GALNT17: variants seen among roughly 807,000 people sequenced by gnomAD.
The protein encoded by GALNT17 is polypeptide N-acetylgalactosaminyltransferase 17, also known as UDP-GalNAc:polypeptide N-acetylgalactosaminyltransferase-like 3.
Under a neutral mutation model 63.7 loss-of-function variants are expected in GALNT17, and 29 were observed. The observed-to-expected ratio is 0.46, with a 90% CI of 0.34 to 0.62. The LOEUF is 0.62. Among genes scored for constraint, GALNT17 ranks in the 20% least tolerant of loss-of-function variants. GALNT17 has a pLI of 0.01. For synonymous variants in GALNT17, 305 were observed against 318.3 expected (o/e 0.96, Z 0.45); for missense variants, 603 against 799.6 (o/e 0.75, Z 2.97).
intron 1 of GALNT17, among the ~76,000 whole-genome samples, chr7:71,311,250 G>A (rs1791409656): frequency 6.6e-6 from 1 of 152,158 alleles, no homozygotes; most frequent in Non-Finnish European, 1.5e-5. Context: ...TGGGCCTGAT[G>A]AGGATGCATG....
chr7:71,451,082 C>T (rs1421949865), intron 5 of GALNT17, among the ~76,000 whole-genome samples: 1 of 152,072 alleles, frequency 6.6e-6, no homozygotes, highest in East Asian at 1.9e-4. Context: ...CCTCCCCACT[C>T]CCTCCACCCC....
At chr7:71,517,659 G>A (rs1788466253) in intron 5 of GALNT17, among the ~76,000 whole-genome samples, 2 of 152,162 alleles carry the variant, frequency 1.3e-5, no homozygotes, top group African/African-American at 4.8e-5. Context: ...ATAGGATAAT[G>A]GAGTTCAAGC....
At chr7:71,621,537 T>TGGATGGATAGATG (rs1554316541) in intron 6 of GALNT17, among the ~76,000 whole-genome samples, 31 of 138,934 alleles carry the variant, frequency 2.2e-4, no homozygotes, top group Middle Eastern at 3.2e-3. Context: ...ATGGATGGAT[T>TGGATGGATAGATG]GATGGATTGA....
chr7:71,665,387 CTG>C (rs773969696), intron 6 of GALNT17, 22 bp from the exon 7 acceptor site: 9 of 1,577,932 alleles, frequency 5.7e-6, no homozygotes, highest in Non-Finnish European at 7.7e-6. Flanking sequence ...CTTTTTCAGG[CTG>C]ATGAAATCTT....
chr7:71,410,982 C>A (rs1039890757), intron 3 of GALNT17, among the ~76,000 whole-genome samples: 3 of 152,084 alleles, frequency 2.0e-5, no homozygotes, highest in African/African-American at 7.2e-5. Flanking sequence ...TTTATTTTTG[C>A]AGAAATGAGT....
intron 1 of GALNT17, among the ~76,000 whole-genome samples, chr7:71,316,162 G>A (rs1791494175): frequency 6.6e-6 from 1 of 151,954 alleles, no homozygotes; most frequent in Non-Finnish European, 1.5e-5. Flanking sequence ...AAGGGAGGAA[G>A]GCAGGAGCCT....
intron 1 of GALNT17, among the ~76,000 whole-genome samples, chr7:71,309,465 T>G (rs28664864): frequency 6.6e-6 from 1 of 151,928 alleles, no homozygotes; most frequent in Non-Finnish European, 1.5e-5. Context: ...AAGCCATGCA[T>G]GCTCCCTGCC....
intron 1 of GALNT17, among the ~76,000 whole-genome samples, chr7:71,222,806 C>T (rs1359194180): frequency 6.6e-6 from 1 of 152,086 alleles, no homozygotes; most frequent in Non-Finnish European, 1.5e-5. Flanking sequence ...TGCAGTGGCT[C>T]GCACCTGTAA....
chr7:71,385,163 C>T (rs1008450196), intron 2 of GALNT17, among the ~76,000 whole-genome samples: 1 of 152,206 alleles, frequency 6.6e-6, no homozygotes, highest in Non-Finnish European at 1.5e-5. Context: ...GCCTGCAGAT[C>T]AGCCACACAG....
At position 71,132,148 on chromosome 7, in the gene GALNT17, CTT is replaced by C. The variant is rs1041658605; in HGVS notation, c.-654_-653del. Reference sequence around the variant, plus strand: ...GCCCCCACTTTGAGAGTAATTGAGACTTGAGCGTGACTGCGGAGCCTGGAGGA... The same window carrying C: ...GCCCCCACTTTGAGAGTAATTGAGACGAGCGTGACTGCGGAGCCTGGAGGA... On this transcript the variant is annotated 5_prime_UTR_variant, in exon 1 of 11. Transcript: ENST00000333538. 2.0e-4 allele frequency: 30 copies of C among 152,682 alleles called. No individual in the cohort carries two copies. The highest frequency in any genetic ancestry group is 7.0e-4 in the African/African-American group (29 of 41,452). 9.5% of individuals were successfully genotyped at this position (152,682 alleles called of 1,614,324 possible).
At chr7:71,443,269 C>G (rs186360316) in intron 5 of GALNT17, among the ~76,000 whole-genome samples, 1 of 152,196 alleles carries the variant, frequency 6.6e-6, no homozygotes, top group East Asian at 1.9e-4. Context: ...CTTCTGGGTA[C>G]GTGGGGAGAG....
chr7:71,425,358 G>T (rs1007311507), intron 5 of GALNT17, among the ~76,000 whole-genome samples: 1 of 151,964 alleles, frequency 6.6e-6, no homozygotes, highest in African/African-American at 2.4e-5. Flanking sequence ...GAGTATCTGC[G>T]ACTACAGGTG....
chr7:71,271,155 G>A (rs1040238093), intron 1 of GALNT17, among the ~76,000 whole-genome samples: 6 of 152,170 alleles, frequency 3.9e-5, no homozygotes, highest in African/African-American at 7.2e-5. Flanking sequence ...TGAGAATCAC[G>A]ATCTGGTGCC....
intron 5 of GALNT17, among the ~76,000 whole-genome samples, chr7:71,554,124 C>G (rs925879010): frequency 6.6e-6 from 1 of 152,194 alleles, no homozygotes; most frequent in Non-Finnish European, 1.5e-5. Context: ...CTTTGTGAAC[C>G]AACCTGTCTA....
chr7:71,317,667 G>A (rs554087893), intron 1 of GALNT17, among the ~76,000 whole-genome samples: 1 of 152,254 alleles, frequency 6.6e-6, no homozygotes, highest in South Asian at 2.1e-4. Context: ...AGTGGCCTTG[G>A]ATGATCCTGA....
chr7:71,331,809 G>A (rs767399478), intron 1 of GALNT17, among the ~76,000 whole-genome samples: 2 of 152,088 alleles, frequency 1.3e-5, no homozygotes, highest in Non-Finnish European at 2.9e-5. Context: ...AGCTTGTCAC[G>A]GGATTAGATG....
chr7:71,244,515 A>T (rs1790058823), intron 1 of GALNT17, among the ~76,000 whole-genome samples: 1 of 151,862 alleles, frequency 6.6e-6, no homozygotes, highest in African/African-American at 2.4e-5. Flanking sequence ...AAGTCATCCC[A>T]CTCCTTTATC....
intron 5 of GALNT17, among the ~76,000 whole-genome samples, chr7:71,516,445 AT>A (rs1788446283): frequency 6.6e-6 from 1 of 152,142 alleles, no homozygotes; most frequent in Admixed American, 6.5e-5. Flanking sequence ...GAACCCCTTA[AT>A]TCCAGAACTG....
At position 71,698,928 on chromosome 7, in the gene GALNT17, T is replaced by C. The variant is rs185742847; in HGVS notation, c.1501-11833T>C. ...GGCTCACGCCTGTAATCCCAGCACT[T>C]TGAGAGGCCGAGGGGGGCAGATTGC... On this transcript the variant is annotated intron_variant, in intron 9 of 10. Transcript: ENST00000333538. Among the ~76,000 whole-genome samples, 633 of 152,042 alleles carry C rather than the reference T, an allele frequency of 4.2e-3. 19 individuals are homozygous for C. Among genetic ancestry groups the C allele is most frequent in the Admixed American group, 0.033 (501 of 15,256 alleles).
Sources: allele counts gnomAD v4.1 joint callset (sites outside exome capture counted in the v4.1 genomes callset), GRCh38; gene constraint gnomAD v4.1.1; transcripts MANE v1.5; gene names NCBI Gene and HGNC (gene_info 2026-07-23, HGNC 2026-07-21).